Variants in ITGB6 observed in about 807,000 individuals in gnomAD.
The protein encoded by ITGB6 is integrin beta-6.
ITGB6 carries 80 observed loss-of-function variants against 84.5 expected under a neutral mutation model. The observed-to-expected ratio is 0.95, with a 90% CI of 0.79 to 1.14. The LOEUF is 1.14. Ranked by LOEUF, ITGB6 falls within the 50% of genes most tolerant of loss-of-function variation. The pLI is 0.00. For synonymous variants in ITGB6, 383 were observed against 354.9 expected (o/e 1.08, Z -0.89); for missense variants, 1,006 against 968.0 (o/e 1.04, Z -0.52).
intron 7 of ITGB6, among the ~76,000 whole-genome samples, chr2:160,147,681 A>T (rs1264919074): frequency 2.0e-5 from 3 of 152,232 alleles, no homozygotes; most frequent in Admixed American, 6.5e-5. Flanking sequence ...ACATAAATAT[A>T]GTCAACTGAT....
At chr2:160,159,808 A>C (rs576922074) in intron 7 of ITGB6, among the ~76,000 whole-genome samples, 3 of 152,270 alleles carry the variant, frequency 2.0e-5, no homozygotes, top group African/African-American at 7.2e-5. Context: ...CTCCCCCTTA[A>C]TTATGGTCCA....
chr2:160,196,679 A>ATG (rs370352697), intron 2 of ITGB6, among the ~76,000 whole-genome samples: 4,161 of 151,666 alleles, frequency 0.027, 79 homozygotes, highest in South Asian at 0.076. Context: ...TAACAATTGC[A>ATG]TGTGTGTGTG....
intron 7 of ITGB6, among the ~76,000 whole-genome samples, chr2:160,156,084 G>C (rs1325691860): frequency 6.6e-6 from 1 of 152,188 alleles, no homozygotes; most frequent in Non-Finnish European, 1.5e-5. Context: ...ACTATTCCAA[G>C]ACAAATGCAT....
intron 7 of ITGB6, among the ~76,000 whole-genome samples, chr2:160,152,484 C>T (rs12692582): frequency 3.9e-5 from 6 of 152,090 alleles, no homozygotes; most frequent in African/African-American, 1.4e-4. Flanking sequence ...AACCCACAGC[C>T]AATATCATAC....
At chr2:160,111,637 T>C (rs1682520521) in intron 13 of ITGB6, among the ~76,000 whole-genome samples, 1 of 145,438 alleles carries the variant, frequency 6.9e-6, no homozygotes, top group South Asian at 2.2e-4. Flanking sequence ...CTCTGTGCAG[T>C]GGCGCGATCT....
chr2:160,156,798 C>A (rs1007815155), intron 7 of ITGB6, among the ~76,000 whole-genome samples: 1 of 152,198 alleles, frequency 6.6e-6, no homozygotes, highest in Admixed American at 6.5e-5. Flanking sequence ...TATCCTCTTT[C>A]CTTATATTCT....
Position 160,195,383 on chromosome 2 carries a change from A to C in ITGB6, c.579T>G (p.Ile193Met). The C allele has an allele frequency of 6.2e-7, 1 of 1,614,148 alleles. No homozygotes were observed. Among genetic ancestry groups the C allele is most frequent in the African/African-American group, 1.3e-5 (1 of 75,062 alleles). Residue 193 changes from isoleucine to methionine, a missense_variant, in exon 4 of 15, where the codon ATT becomes ATG. By Grantham distance (10) the Ile-to-Met change is conservative. Transcript: ENST00000283249. ...CATTTACTTACCTGCAAGGGTTGGC[A>C]ATTTCTTCTGGTGTTGTTTTCACAA... ...SPFVKTTPEEIANPCSSIPYF... is the reference protein window; with the variant it reads ...SPFVKTTPEEMANPCSSIPYF...
At chr2:160,145,717 G>A (rs571490602) in intron 7 of ITGB6, among the ~76,000 whole-genome samples, 5 of 152,210 alleles carry the variant, frequency 3.3e-5, no homozygotes, top group African/African-American at 7.2e-5. Flanking sequence ...AGGAACATGC[G>A]GTCACACAAC....
chr2:160,145,632 C>A (rs1684156782), intron 7 of ITGB6, among the ~76,000 whole-genome samples: 2 of 152,170 alleles, frequency 1.3e-5, no homozygotes, highest in East Asian at 1.9e-4. Context: ...GAGAGGGACC[C>A]CCAGTTTGGT....
intron 4 of ITGB6, among the ~76,000 whole-genome samples, chr2:160,183,992 A>G (rs1233949013): frequency 6.6e-6 from 1 of 152,252 alleles, no homozygotes; most frequent in Non-Finnish European, 1.5e-5. Flanking sequence ...GTTTAGAGAG[A>G]AATTTATAGA....
At chr2:160,134,881 AT>A (rs1325560291) in intron 10 of ITGB6, among the ~76,000 whole-genome samples, 1 of 152,194 alleles carries the variant, frequency 6.6e-6, no homozygotes, top group East Asian at 1.9e-4. Context: ...CTCTCAATAA[AT>A]TAGGTATTGA....
In ITGB6 at chr2:160,199,282, C is replaced by T. The variant is rs773511209; in HGVS notation, c.62-24G>A. ...ACCTAGGTTTAGACCCAGCAAGATG[C>T]AGGGATTAAGTACACTTTCAGTCAT... On this transcript the variant is annotated intron_variant, in intron 1 of 14. Coordinates refer to ENST00000283249, the MANE Select transcript of ITGB6 (RefSeq NM_000888.5). The T allele has an allele frequency of 6.3e-6, 10 of 1,586,416 alleles. No homozygotes were observed. In the East Asian group the frequency reaches 8.9e-5, roughly 14 times the overall value.
chr2:160,116,545 G>T (rs996613626), intron 12 of ITGB6, among the ~76,000 whole-genome samples: 2 of 152,202 alleles, frequency 1.3e-5, no homozygotes, highest in African/African-American at 4.8e-5. Flanking sequence ...ACTGGTACCA[G>T]CCACTGCAAA....
At position 160,188,588 on chromosome 2, in the gene ITGB6, T is replaced by C. The variant is rs188482363; in HGVS notation, c.593+6781A>G. Among the ~76,000 whole-genome samples the C allele has an allele frequency of 3.5e-3, 539 of 151,962 alleles. 3 individuals are homozygous for C. The highest frequency in any genetic ancestry group is 0.012 in the African/African-American group (511 of 41,442). ...CAGGCCCAATGCCAAATGCTTTTAATCGTTAACTCATTCAATTCTTTTTTT... is the reference window on the plus strand; with the variant it reads ...CAGGCCCAATGCCAAATGCTTTTAACCGTTAACTCATTCAATTCTTTTTTT... On this transcript the variant is annotated intron_variant, in intron 4 of 14. Transcript: ENST00000283249.
chr2:160,120,659 G>A (rs867159351), intron 12 of ITGB6, among the ~76,000 whole-genome samples: 33 of 20,386 alleles, frequency 1.6e-3, no homozygotes, highest in East Asian at 5.7e-3. Flanking sequence ...CTAAAACTTA[G>A]AGTATAATTA....
intron 7 of ITGB6, among the ~76,000 whole-genome samples, chr2:160,154,223 C>T (rs934229772): frequency 6.6e-6 from 1 of 152,124 alleles, no homozygotes; most frequent in Admixed American, 6.5e-5. Context: ...GAAAATGTGG[C>T]ACATATACAC....
At chr2:160,140,636 G>A (rs60208572) in intron 8 of ITGB6, among the ~76,000 whole-genome samples, 11,273 of 152,182 alleles carry the variant, frequency 0.074, 1,303 homozygotes, top group African/African-American at 0.25. Context: ...TTTTTATAGC[G>A]TTTTGTTGAT....
chr2:160,109,226 G>T (rs957975677), intron 13 of ITGB6, among the ~76,000 whole-genome samples: 3 of 152,222 alleles, frequency 2.0e-5, no homozygotes, highest in Non-Finnish European at 2.9e-5. Flanking sequence ...CATGTAAAGA[G>T]ATTATGCAGA....
intron 12 of ITGB6, among the ~76,000 whole-genome samples, chr2:160,119,038 A>G (rs1338885585): frequency 2.6e-5 from 4 of 152,172 alleles, no homozygotes; most frequent in African/African-American, 9.7e-5. Flanking sequence ...ATGGAAGAAC[A>G]TTCCATGCTC....
Sources: gnomAD v4.1 joint callset for allele counts (sites outside exome capture counted in the v4.1 genomes callset) on GRCh38, gnomAD v4.1.1 for gene constraint, MANE v1.5 for transcripts, NCBI Gene and HGNC (gene_info 2026-07-23, HGNC 2026-07-21) for gene names.